Variants in SHTN1 observed in about 807,000 individuals in gnomAD.
The protein encoded by SHTN1 is shootin 1.
A neutral mutation model predicts 83.1 loss-of-function variants in SHTN1; 42 were observed. That is an observed-to-expected ratio of 0.51 (90% confidence interval 0.39 to 0.65). The LOEUF is 0.65. Among genes scored for constraint, SHTN1 ranks in the 30% least tolerant of loss-of-function variants. The pLI is 0.00. For missense variants in SHTN1, 622 were observed against 737.8 expected (o/e 0.84, Z 1.82); for synonymous variants, 224 against 247.7 (o/e 0.90, Z 0.90).
At chr10:117,109,159 A>G (rs1853722674) in intron 1 of SHTN1, among the ~76,000 whole-genome samples, 1 of 152,142 alleles carries the variant, frequency 6.6e-6, no homozygotes, top group Non-Finnish European at 1.5e-5. Context: ...GAAAATACTG[A>G]TGCCTTGGTC....
intron 1 of SHTN1, among the ~76,000 whole-genome samples, chr10:117,088,009 A>T (rs984516772): frequency 1.3e-5 from 2 of 152,234 alleles, no homozygotes; most frequent in African/African-American, 4.8e-5. Context: ...AGGCTGAGGC[A>T]GGAGGAAACA....
chr10:117,004,806 G>C (rs560724961), intron 1 of SHTN1, among the ~76,000 whole-genome samples: 1 of 152,346 alleles, frequency 6.6e-6, no homozygotes, highest in African/African-American at 2.4e-5. Flanking sequence ...TGCGGGGCCT[G>C]ACTAGCCCCG....
intron 1 of SHTN1, among the ~76,000 whole-genome samples, chr10:117,100,044 G>A (rs1853566154): frequency 6.6e-6 from 1 of 152,118 alleles, no homozygotes; most frequent in African/African-American, 2.4e-5. Context: ...AGGCATGGTG[G>A]TACATGCCTG....
intron 1 of SHTN1, among the ~76,000 whole-genome samples, chr10:117,055,426 C>T (rs150939744): frequency 6.6e-6 from 1 of 152,106 alleles, no homozygotes. Flanking sequence ...CCATTAACAC[C>T]AGGGTTGAAG....
intron 2 of SHTN1, among the ~76,000 whole-genome samples, chr10:117,034,548 G>T (rs1852467459): frequency 6.6e-6 from 1 of 152,144 alleles, no homozygotes; most frequent in Non-Finnish European, 1.5e-5. Flanking sequence ...GGCTGAGGCA[G>T]GAGAATCGCT....
chr10:116,980,207 G>A (rs914854495), intron 1 of SHTN1, among the ~76,000 whole-genome samples: 1 of 152,338 alleles, frequency 6.6e-6, no homozygotes, highest in Middle Eastern at 3.4e-3. Flanking sequence ...CAATGACAGA[G>A]CAGAACATCT....
At chr10:116,955,973 T>C (rs531379554) in intron 4 of SHTN1, among the ~76,000 whole-genome samples, 14 of 152,322 alleles carry the variant, frequency 9.2e-5, no homozygotes, top group African/African-American at 3.4e-4. Context: ...GTGGGTTCTT[T>C]AAACCATGAA....
chr10:116,965,965 T>G (rs1377696457), intron 3 of SHTN1, among the ~76,000 whole-genome samples: 6 of 152,168 alleles, frequency 3.9e-5, no homozygotes, highest in Non-Finnish European at 8.8e-5. Flanking sequence ...AGATACAGTT[T>G]TCTGACAAAT....
chr10:116,994,972 ATG>A (rs1462509088), intron 1 of SHTN1, among the ~76,000 whole-genome samples: 12 of 152,254 alleles, frequency 7.9e-5, no homozygotes, highest in South Asian at 2.1e-4. Flanking sequence ...AATGTTATTA[ATG>A]TGTTTCAAAA....
At chr10:117,097,809 TAA>T (rs1449704373) in intron 1 of SHTN1, among the ~76,000 whole-genome samples, 1 of 152,192 alleles carries the variant, frequency 6.6e-6, no homozygotes, top group Non-Finnish European at 1.5e-5. Context: ...CATCTCTATT[TAA>T]GACTCTTCTC....
chr10:116,937,829 A>G lies in SHTN1; in HGVS notation c.858+2637T>C, dbSNP rs189577077. On this transcript the variant is annotated intron_variant, in intron 9 of 16. Transcript: ENST00000355371. The stretch of plus-strand genomic sequence containing the variant: ...AAACGTAGGTTTGGTCTTTTCACAT[A>G]GTCCCATATTTCTTGGAGGCTTTGT... Among the ~76,000 whole-genome samples, 64 of 151,988 alleles carry G rather than the reference A, an allele frequency of 4.2e-4. 1 individual carries two copies. The highest frequency in any genetic ancestry group is 1.4e-3 in the African/African-American group (56 of 41,424).
chr10:116,891,031 G>A lies in SHTN1; in HGVS notation c.1674-4465C>T, dbSNP rs557628361. ...TTCAAATTAACTAATGCCCAAAAGA[G>A]CCCTAATAGACGTGGTTCTGAGCTC... On this transcript the variant is annotated intron_variant, in intron 16 of 16. Transcript: ENST00000355371. Among the ~76,000 whole-genome samples, 12 of 152,280 alleles carry A rather than the reference G, an allele frequency of 7.9e-5. No individual in the cohort carries two copies. The South Asian group carries it at 2.5e-3, about 32-fold the overall frequency.
At chr10:117,106,789 T>C (rs547257716) in intron 1 of SHTN1, among the ~76,000 whole-genome samples, 4 of 152,352 alleles carry the variant, frequency 2.6e-5, no homozygotes, top group South Asian at 2.1e-4. Context: ...CCTTTGACCA[T>C]GGTGCATGTT....
intron 1 of SHTN1, among the ~76,000 whole-genome samples, chr10:117,066,633 T>G (rs1028828413): frequency 1.3e-5 from 2 of 152,218 alleles, no homozygotes; most frequent in African/African-American, 4.8e-5. Context: ...ACTACCTTAT[T>G]TCCATGTTTC....
chr10:117,062,916 G>C (rs545691456), intron 1 of SHTN1, among the ~76,000 whole-genome samples: 11 of 152,208 alleles, frequency 7.2e-5, no homozygotes, highest in African/African-American at 2.4e-4. Flanking sequence ...CAAGGCATAG[G>C]TAATTACATG....
intron 1 of SHTN1, among the ~76,000 whole-genome samples, chr10:117,050,698 A>T (rs886795730): frequency 2.9e-5 from 4 of 136,722 alleles, no homozygotes; most frequent in Non-Finnish European, 1.5e-5. Flanking sequence ...TAGAATGACT[A>T]AAAAAAAAAA....
intron 1 of SHTN1, among the ~76,000 whole-genome samples, chr10:117,102,814 T>C (rs543137383): frequency 6.6e-6 from 1 of 152,318 alleles, no homozygotes; most frequent in Admixed American, 6.5e-5. Flanking sequence ...TTAACATTAA[T>C]GAGACTTACC....
intron 2 of SHTN1, among the ~76,000 whole-genome samples, chr10:117,029,922 G>A (rs1457271627): frequency 2.7e-5 from 3 of 112,788 alleles, no homozygotes; most frequent in Non-Finnish European, 5.1e-5. Context: ...GTCTTAGTCT[G>A]TTGCCAGGCT....
chr10:116,899,553 G>C (rs999638382), intron 16 of SHTN1, among the ~76,000 whole-genome samples: 57 of 140,852 alleles, frequency 4.0e-4, no homozygotes, highest in Middle Eastern at 3.7e-3. Context: ...GTGTGAGAGA[G>C]TGCATGCATA....
Sources: gnomAD v4.1 joint callset for allele counts (sites outside exome capture counted in the v4.1 genomes callset) on GRCh38, gnomAD v4.1.1 for gene constraint, MANE v1.5 for transcripts, NCBI Gene and HGNC (gene_info 2026-07-23, HGNC 2026-07-21) for gene names.